The following PPM1L variants were observed in gnomAD, a reference collection of about 807,000 sequenced individuals.
PPM1L encodes protein phosphatase 1L.
In PPM1L, 13 loss-of-function variants were observed where a neutral mutation model predicts 31.4. The observed-to-expected ratio is 0.41, with a 90% CI of 0.27 to 0.66. The LOEUF is 0.66. Among genes scored for constraint, PPM1L ranks in the 30% least tolerant of loss-of-function variants. The pLI is 0.29. For synonymous variants in PPM1L, 184 were observed against 175.4 expected, an observed-to-expected ratio of 1.05 and a Z score of -0.39; for missense variants, 326 against 453.7, an observed-to-expected ratio of 0.72 and a Z score of 2.56.
intron 1 of PPM1L, among the ~76,000 whole-genome samples, chr3:160,810,470 T>C (rs1712773171): frequency 6.6e-6 from 1 of 152,224 alleles, no homozygotes; most frequent in Admixed American, 6.5e-5. Context: ...GCAATGGGAA[T>C]AACATTTGTT....
chr3:160,789,269 C>T (rs192802584), intron 1 of PPM1L, among the ~76,000 whole-genome samples: 1 of 151,904 alleles, frequency 6.6e-6, no homozygotes, highest in East Asian at 1.9e-4. Flanking sequence ...ATAATGTTTT[C>T]TAATTGGTTA....
intron 2 of PPM1L, among the ~76,000 whole-genome samples, chr3:161,031,507 T>TTTTTTTC: frequency 7.1e-6 from 1 of 141,670 alleles, no homozygotes. Context: ...CTGTCCTTTT[T>TTTTTTTC]TTTTTTTTTT....
intron 1 of PPM1L, among the ~76,000 whole-genome samples, chr3:160,760,199 A>G (rs1019621630): frequency 1.3e-5 from 2 of 152,230 alleles, no homozygotes; most frequent in Non-Finnish European, 2.9e-5. Flanking sequence ...GATATTTGAG[A>G]AAAGTGTGTC....
At chr3:160,766,361 G>A (rs917662600) in intron 1 of PPM1L, among the ~76,000 whole-genome samples, 8 of 152,168 alleles carry the variant, frequency 5.3e-5, no homozygotes, top group South Asian at 4.1e-4. Context: ...GAAGGACCTC[G>A]TGGAAGGTGA....
At chr3:160,839,507 C>G (rs1196514230) in intron 1 of PPM1L, among the ~76,000 whole-genome samples, 8 of 152,152 alleles carry the variant, frequency 5.3e-5, no homozygotes, top group Non-Finnish European at 1.0e-4. Context: ...ATGGATACAT[C>G]AGGCTTTCTT....
At position 160,767,572 on chromosome 3, in the gene PPM1L, A is replaced by G. The variant is rs200206509; in HGVS notation, c.399+10865A>G. Among the ~76,000 whole-genome samples the G allele has an allele frequency of 3.9e-5, 6 of 152,156 alleles. No homozygotes were observed. The East Asian group carries it at 9.6e-4, about 24-fold the overall frequency. ...TTTCTAAATCAAAGACCAGTTGTCT[A>G]TTGCATGTCAATAAACCTTGTGACT... On this transcript the variant is annotated intron_variant, in intron 1 of 3. Coordinates refer to ENST00000498165, the MANE Select transcript of PPM1L (RefSeq NM_139245.4).
At position 160,756,235 on chromosome 3, in the gene PPM1L, C is replaced by G; in HGVS notation, c.-74C>G. 1.3e-6 allele frequency: 2 copies of G among 1,527,074 alleles called. No individual in the cohort carries two copies. Among genetic ancestry groups the G allele is most frequent in the Admixed American group, 1.8e-5 (1 of 55,178 alleles). The allele number at this position is 1,527,074 out of a possible 1,614,324, so 94.6% of individuals were successfully genotyped here. ...CCGCCTCCCTCCCGGCGGGCTGTCC[C>G]CGCAGTGCTCCCGGACCCGGCGAGC... On this transcript the variant is annotated 5_prime_UTR_variant, in exon 1 of 4. Transcript: ENST00000498165. This position sits in a 1 kb window ranked among gnomAD's most constrained non-coding sequence, Gnocchi z 6.2.
intron 2 of PPM1L, among the ~76,000 whole-genome samples, chr3:161,064,679 T>G (rs1396945736): frequency 6.6e-6 from 1 of 152,158 alleles, no homozygotes; most frequent in South Asian, 2.1e-4. Context: ...TCCATTCCCA[T>G]GTCAAAAAGG....
At chr3:160,828,922 A>G (rs1366740536) in intron 1 of PPM1L, among the ~76,000 whole-genome samples, 2 of 152,170 alleles carry the variant, frequency 1.3e-5, no homozygotes, top group East Asian at 3.8e-4. Flanking sequence ...TTTTTAAAAT[A>G]AAAACTCCTA....
rs181321390 is a variant in PPM1L, at chr3:161,060,211, G to A, written c.575-5192G>A. On this transcript the variant is annotated intron_variant, in intron 2 of 3. Transcript: ENST00000498165. ...AGGCCTCTCTGAAGATGTCACATTT[G>A]AGCTACAACATCTTCATATGGGTCA... Among the ~76,000 whole-genome samples, 4 of 152,088 alleles carry A rather than the reference G, an allele frequency of 2.6e-5. No individual in the cohort carries two copies. In the East Asian group the frequency reaches 7.8e-4, roughly 30 times the overall value.
rs1712228619 is a variant in PPM1L, at chr3:160,795,775, T to G, written c.399+39068T>G. ...TGAGTAAATTGTCTTCAATCACTGC[T>G]TAATTTTATTCTTGTTTACCTTTTC... On this transcript the variant is annotated intron_variant, in intron 1 of 3. Coordinates refer to ENST00000498165, the MANE Select transcript of PPM1L (RefSeq NM_139245.4). 2.0e-5 allele frequency among the ~76,000 whole-genome samples: 3 copies of G among 152,206 alleles called. No individual in the cohort carries two copies. In the South Asian group the frequency reaches 6.2e-4, roughly 32 times the overall value.
At chr3:160,897,356 T>C (rs1713374591) in intron 1 of PPM1L, among the ~76,000 whole-genome samples, 1 of 152,124 alleles carries the variant, frequency 6.6e-6, no homozygotes, top group Non-Finnish European at 1.5e-5. Flanking sequence ...CTGACTCTTA[T>C]AAAGATTTAT....
At chr3:160,990,197 T>G (rs1717086687) in intron 2 of PPM1L, among the ~76,000 whole-genome samples, 1 of 151,782 alleles carries the variant, frequency 6.6e-6, no homozygotes, top group Non-Finnish European at 1.5e-5. Flanking sequence ...GACAGGAGTC[T>G]CATCACATTG....
At chr3:161,013,221 G>C (rs7349589) in intron 2 of PPM1L, among the ~76,000 whole-genome samples, 1 of 152,150 alleles carries the variant, frequency 6.6e-6, no homozygotes, top group African/African-American at 2.4e-5. Flanking sequence ...CTGGTATGTT[G>C]TGTCTTTGTT....
rs543449076 is a variant in PPM1L, at chr3:161,078,528, G to A, written c.*9371G>A. 13 of 152,310 alleles carry A rather than the reference G, an allele frequency of 8.5e-5. No individual in the cohort carries two copies. In the East Asian group the frequency reaches 2.3e-3, roughly 27 times the overall value. 9.4% of individuals were successfully genotyped at this position (152,310 alleles called of 1,614,324 possible). A position where few individuals can be genotyped will look rare whatever the true frequency, so the allele number is the denominator to read the frequency against. On this transcript the variant is annotated 3_prime_UTR_variant, in exon 4 of 4. Transcript: ENST00000498165. ...TAAAATCAATCAGGCTTTCTCGTAA[G>A]TTATTTCCTGAAAACCATCCATGAT...
At chr3:160,964,982 C>T (rs545329832) in intron 2 of PPM1L, among the ~76,000 whole-genome samples, 371 of 152,002 alleles carry the variant, frequency 2.4e-3, no homozygotes, top group Middle Eastern at 0.017. Context: ...CTGGTTGCAG[C>T]GGCTCACGCC....
intron 1 of PPM1L, among the ~76,000 whole-genome samples, chr3:160,862,843 A>G (rs948532238): frequency 2.2e-4 from 34 of 152,166 alleles, no homozygotes; most frequent in African/African-American, 8.0e-4. Context: ...AATGATTATC[A>G]GTTTTTTAAA....
At chr3:160,875,369 A>G (rs1712469664) in intron 1 of PPM1L, among the ~76,000 whole-genome samples, 2 of 152,224 alleles carry the variant, frequency 1.3e-5, no homozygotes, top group Admixed American at 6.5e-5. Context: ...GATGTTTAAA[A>G]TACTAGTTTT....
chr3:161,049,011 A>G (rs1190211964), intron 2 of PPM1L, among the ~76,000 whole-genome samples: 1 of 151,178 alleles, frequency 6.6e-6, no homozygotes, highest in Non-Finnish European at 1.5e-5. Flanking sequence ...GCGCACCAAC[A>G]TGGCACATAT....
Sources: gnomAD v4.1 joint callset for allele counts (sites outside exome capture counted in the v4.1 genomes callset) on GRCh38, gnomAD v4.1.1 for gene constraint, Gnocchi (gnomAD v3.1) non-coding constraint, MANE v1.5 for transcripts, NCBI Gene and HGNC (gene_info 2026-07-23, HGNC 2026-07-21) for gene names.